Variants in EXOC4 observed in about 807,000 individuals in gnomAD.
EXOC4 encodes SEC8-like 1.
Under a neutral mutation model 107.2 loss-of-function variants are expected in EXOC4, and 71 were observed. The ratio of observed to expected loss-of-function variants is 0.66; its 90% CI spans 0.55 to 0.81. The LOEUF (loss-of-function observed/expected upper bound fraction) is 0.81, where lower values mean the gene tolerates loss of function less well. Among genes scored for constraint, EXOC4 ranks in the 30% least tolerant of loss-of-function variants. The probability of loss-of-function intolerance (pLI) is 0.00; values close to 1 mark genes in which losing one functional copy is unlikely to be tolerated. For synonymous variants in EXOC4, 456 were observed against 441.2 expected (o/e 1.03, Z -0.42); for missense variants, 1,108 against 1,189.6 (o/e 0.93, Z 1.01).
intron 14 of EXOC4, among the ~76,000 whole-genome samples, chr7:133,976,327 G>T (rs1200937765): frequency 6.6e-6 from 1 of 152,214 alleles, no homozygotes; most frequent in Non-Finnish European, 1.5e-5. Flanking sequence ...AAGACAAGTT[G>T]TGATAAGAAA....
chr7:133,833,091 C>T (rs537670698), intron 11 of EXOC4, among the ~76,000 whole-genome samples: 47 of 126,018 alleles, frequency 3.7e-4, no homozygotes, highest in Admixed American at 6.7e-4. Context: ...CACCCCAAAC[C>T]AACCTAACTT....
chr7:133,795,241 A>G, intron 10 of EXOC4, among the ~76,000 whole-genome samples: 1 of 152,190 alleles, frequency 6.6e-6, no homozygotes, highest in Middle Eastern at 3.2e-3. Flanking sequence ...AATCCTCATT[A>G]AAGGGCTATA....
intron 17 of EXOC4, among the ~76,000 whole-genome samples, chr7:134,029,903 T>TAA (rs1795231488): frequency 6.6e-6 from 1 of 152,184 alleles, no homozygotes; most frequent in African/African-American, 2.4e-5. Flanking sequence ...CTCCACTGCT[T>TAA]TCTAAAATGA....
At chr7:133,946,535 T>G (rs1800554578) in intron 14 of EXOC4, among the ~76,000 whole-genome samples, 2 of 152,230 alleles carry the variant, frequency 1.3e-5, no homozygotes. Flanking sequence ...CCAGTTTTGT[T>G]CATTTTCAGT....
chr7:133,933,469 A>C (rs1397592059), intron 13 of EXOC4, among the ~76,000 whole-genome samples: 4 of 152,122 alleles, frequency 2.6e-5, no homozygotes. Context: ...GCAATTGCTG[A>C]GTGCCTGTTA....
At chr7:133,288,178 T>C (rs977401874) in intron 2 of EXOC4, among the ~76,000 whole-genome samples, 2 of 152,148 alleles carry the variant, frequency 1.3e-5, no homozygotes, top group Non-Finnish European at 2.9e-5. Context: ...GTTGAAAAAA[T>C]GGAAAATTTT....
At chr7:133,253,324 T>TAACCCCTCCCCAGGGCCCC (rs2150493623) in intron 1 of EXOC4, 137 bp downstream of exon 1, 2 of 1,424,164 alleles carry the variant, frequency 1.4e-6, no homozygotes, top group African/African-American at 1.5e-5. Flanking sequence ...CCCAGGGCTC[T>TAACCCCTCCCCAGGGCCCC]AACCCCTCCC....
chr7:134,062,338 T>C (rs1796083175), intron 17 of EXOC4, among the ~76,000 whole-genome samples: 1 of 152,236 alleles, frequency 6.6e-6, no homozygotes, highest in East Asian at 1.9e-4. Flanking sequence ...CAACTCTTCC[T>C]GACCACATTC....
intron 5 of EXOC4, among the ~76,000 whole-genome samples, chr7:133,330,342 A>G (rs1795352556): frequency 1.3e-5 from 2 of 151,852 alleles, no homozygotes; most frequent in Non-Finnish European, 2.9e-5. Flanking sequence ...TCAAACCACT[A>G]GATCTTAAGT....
chr7:133,922,128 T>C (rs1799950030), intron 13 of EXOC4, among the ~76,000 whole-genome samples: 1 of 152,158 alleles, frequency 6.6e-6, no homozygotes, highest in Non-Finnish European at 1.5e-5. Flanking sequence ...TTATTGGATA[T>C]CTATTTATTA....
chr7:133,875,879 C>A (rs1032060784), intron 11 of EXOC4, among the ~76,000 whole-genome samples: 6 of 152,196 alleles, frequency 3.9e-5, no homozygotes, highest in African/African-American at 1.4e-4. Flanking sequence ...ATTGAAGTTA[C>A]TGCTTTTTGT....
chr7:133,599,189 TAAAG>T (rs1212002448), intron 9 of EXOC4, among the ~76,000 whole-genome samples: 1 of 152,130 alleles, frequency 6.6e-6, no homozygotes, highest in Non-Finnish European at 1.5e-5. Context: ...TACTGGAAAA[TAAAG>T]AATTACATAT....
chr7:133,591,796 A>AT (rs756667474), intron 9 of EXOC4, among the ~76,000 whole-genome samples: 6 of 152,136 alleles, frequency 3.9e-5, no homozygotes, highest in Non-Finnish European at 8.8e-5. Context: ...TGTGGAACGA[A>AT]TGCATGTAGG....
At chr7:133,354,931 G>A (rs1397966303) in intron 5 of EXOC4, among the ~76,000 whole-genome samples, 1 of 152,288 alleles carries the variant, frequency 6.6e-6, no homozygotes, top group Non-Finnish European at 1.5e-5. Flanking sequence ...AATCGTGTAG[G>A]TGGGGAGATT....
At chr7:133,796,850 T>TG (rs1796827541) in intron 10 of EXOC4, among the ~76,000 whole-genome samples, 1 of 152,308 alleles carries the variant, frequency 6.6e-6, no homozygotes, top group African/African-American at 2.4e-5. Context: ...GTTACGTGCC[T>TG]GGGAAGCTAA....
At chr7:133,483,933 G>A (rs939086328) in intron 9 of EXOC4, 7 of 1,161,120 alleles carry the variant, frequency 6.0e-6, no homozygotes, top group South Asian at 2.5e-5. Context: ...CAGTCAAACC[G>A]TAAGAGACTA....
rs1395230180 is a variant in EXOC4, at chr7:133,578,346, ATTAT to A, written c.1418-51692_1418-51689del. 5.9e-5 allele frequency among the ~76,000 whole-genome samples: 9 copies of A among 152,166 alleles called. No homozygotes were observed. In the East Asian group the frequency reaches 1.7e-3, roughly 29 times the overall value. On this transcript the variant is annotated intron_variant, in intron 9 of 17. Transcript: ENST00000253861. ...TTTGAGTGTAGTTCCCAGATGGCTAATTATTTATTTGGTGACTAAAAATATAGCT... is the reference window on the plus strand; with the variant it reads ...TTTGAGTGTAGTTCCCAGATGGCTAATTATTTGGTGACTAAAAATATAGCT...
At chr7:133,506,878 TA>T (rs1345772042) in intron 9 of EXOC4, among the ~76,000 whole-genome samples, 114 of 152,232 alleles carry the variant, frequency 7.5e-4, no homozygotes, top group Non-Finnish European at 1.2e-4. Flanking sequence ...TTATCGAGTC[TA>T]AAAATAATCC....
intron 14 of EXOC4, among the ~76,000 whole-genome samples, chr7:133,943,320 T>A (rs1251776865): frequency 6.6e-6 from 1 of 152,208 alleles, no homozygotes; most frequent in Non-Finnish European, 1.5e-5. Flanking sequence ...TGTACCCTCC[T>A]GATGAAGGTT....
Sources: allele counts gnomAD v4.1 joint callset (sites outside exome capture counted in the v4.1 genomes callset), GRCh38; gene constraint gnomAD v4.1.1; transcripts MANE v1.5; gene names NCBI Gene and HGNC (gene_info 2026-07-23, HGNC 2026-07-21).